OLFM3: variants seen among roughly 807,000 people sequenced by gnomAD.
The protein encoded by OLFM3 is olfactomedin 3, also known as noelin-3.
Under a neutral mutation model 48.6 loss-of-function variants are expected in OLFM3, and 20 were observed. That is an observed-to-expected ratio of 0.41 (90% CI 0.29 to 0.60). The LOEUF (loss-of-function observed/expected upper bound fraction) is 0.60, where lower values mean the gene tolerates loss of function less well. Among genes scored for constraint, OLFM3 ranks in the 20% least tolerant of loss-of-function variants. The pLI is 0.28. For missense variants in OLFM3, 437 were observed against 544.3 expected, an observed-to-expected ratio of 0.80 and a Z score of 1.96; for synonymous variants, 222 against 198.1, an observed-to-expected ratio of 1.12 and a Z score of -1.01.
chr1:101,937,818 T>C (rs1403155872), intron 1 of OLFM3, among the ~76,000 whole-genome samples: 1 of 152,256 alleles, frequency 6.6e-6, no homozygotes, highest in Non-Finnish European at 1.5e-5. Flanking sequence ...ACCCTATACA[T>C]ATACAACATC....
At chr1:101,917,823 T>C (rs2101034957) in intron 1 of OLFM3, among the ~76,000 whole-genome samples, 1 of 152,328 alleles carries the variant, frequency 6.6e-6, no homozygotes, top group Non-Finnish European at 1.5e-5. Flanking sequence ...AATCCTAGAA[T>C]GCAATCATAG....
chr1:101,901,672 T>C (rs1431139132), intron 1 of OLFM3, among the ~76,000 whole-genome samples: 2 of 151,992 alleles, frequency 1.3e-5, no homozygotes, highest in East Asian at 3.9e-4. Context: ...TGGGGAAGAA[T>C]GTGGACATGA....
At chr1:101,992,553 G>A (rs1464425399) in intron 1 of OLFM3, among the ~76,000 whole-genome samples, 1 of 151,732 alleles carries the variant, frequency 6.6e-6, no homozygotes, top group Non-Finnish European at 1.5e-5. Context: ...TCTAGCGCAC[G>A]AGAGAAACAG....
chr1:101,949,833 G>A (rs1026261844), intron 1 of OLFM3, among the ~76,000 whole-genome samples: 2 of 150,760 alleles, frequency 1.3e-5, no homozygotes, highest in Non-Finnish European at 2.9e-5. Context: ...GGGAGGCTGA[G>A]GCACGAGAAT....
At chr1:101,911,633 A>T (rs927965959) in intron 1 of OLFM3, among the ~76,000 whole-genome samples, 6 of 152,224 alleles carry the variant, frequency 3.9e-5, no homozygotes, top group African/African-American at 1.4e-4. Context: ...ATACCAGTTG[A>T]GACAGCAATG....
At chr1:101,984,436 C>T (rs1040649722) in intron 1 of OLFM3, among the ~76,000 whole-genome samples, 1 of 152,116 alleles carries the variant, frequency 6.6e-6, no homozygotes, top group East Asian at 1.9e-4. Context: ...AGTGCTCTGT[C>T]GCCCAGACTA....
intron 3 of OLFM3, among the ~76,000 whole-genome samples, chr1:101,828,358 C>T (rs1184394431): frequency 6.6e-6 from 1 of 152,020 alleles, no homozygotes; most frequent in Non-Finnish European, 1.5e-5. Flanking sequence ...CAGAACTATA[C>T]CTTGAATATG....
intron 1 of OLFM3, among the ~76,000 whole-genome samples, chr1:101,900,888 TC>T (rs1418448868): frequency 6.6e-6 from 1 of 152,080 alleles, no homozygotes; most frequent in Non-Finnish European, 1.5e-5. Context: ...ATTTAGAAAT[TC>T]CTTTCAGAAG....
At position 101,833,994 on chromosome 1, in the gene OLFM3, G is replaced by A. The variant is rs143885310; in HGVS notation, c.216+2885C>T. On this transcript the variant is annotated intron_variant, in intron 2 of 5. Coordinates refer to ENST00000370103, the MANE Select transcript of OLFM3 (RefSeq NM_058170.4). ...ATACAAGACATCTTTAACTGTACAG[G>A]GAAGCTACATAGTTAACAAACAAAT... Among the ~76,000 whole-genome samples, 6 of 151,916 alleles carry A rather than the reference G, an allele frequency of 3.9e-5. No homozygotes were observed. In the East Asian group the frequency reaches 1.2e-3, roughly 29 times the overall value.
chr1:101,875,757 A>G (rs1199690207), intron 1 of OLFM3, among the ~76,000 whole-genome samples: 3 of 122,550 alleles, frequency 2.4e-5, no homozygotes, highest in Non-Finnish European at 5.6e-5. Flanking sequence ...TATGCATGGA[A>G]TTGAGTTGGA....
intron 1 of OLFM3, among the ~76,000 whole-genome samples, chr1:101,958,512 G>C (rs1660367574): frequency 6.6e-6 from 1 of 152,018 alleles, no homozygotes; most frequent in Admixed American, 6.6e-5. Flanking sequence ...ATACCACATT[G>C]TAGATTTGGG....
rs1337884030 is a variant in OLFM3 at position 101,925,253 on chromosome 1, T to C, written c.69+71495A>G. On this transcript the variant is annotated intron_variant, in intron 1 of 5. Transcript: ENST00000370103. ...AGACTGGGAAGGGCCTAAATATTTG[T>C]CTTTTTTTTTTCTATAATATTTGTA... Among the ~76,000 whole-genome samples the C allele has an allele frequency of 1.8e-4, 27 of 151,570 alleles. 1 individual carries two copies. The highest frequency in any genetic ancestry group is 1.8e-3 in the Admixed American group (27 of 15,188).
At chr1:101,844,273 C>A (rs140366571) in intron 1 of OLFM3, among the ~76,000 whole-genome samples, 9 of 152,152 alleles carry the variant, frequency 5.9e-5, no homozygotes, top group African/African-American at 2.2e-4. Flanking sequence ...GAGAGTATAG[C>A]TTTTCTCCAA....
chr1:101,923,759 A>G (rs541546393), intron 1 of OLFM3, among the ~76,000 whole-genome samples: 5 of 152,212 alleles, frequency 3.3e-5, no homozygotes, highest in African/African-American at 1.2e-4. Context: ...GTTTATGTAC[A>G]TATGTGCAGA....
intron 1 of OLFM3, among the ~76,000 whole-genome samples, chr1:101,850,076 A>G (rs1210857651): frequency 6.6e-6 from 1 of 152,138 alleles, no homozygotes; most frequent in Non-Finnish European, 1.5e-5. Flanking sequence ...AACTACCACA[A>G]TTTTCATTTA....
chr1:101,917,966 T>C (rs1658977449), intron 1 of OLFM3, among the ~76,000 whole-genome samples: 1 of 152,218 alleles, frequency 6.6e-6, no homozygotes. Flanking sequence ...GATAAATGTA[T>C]TTATTCTGGA....
At chr1:101,820,615 T>C (rs980529687) in intron 4 of OLFM3, among the ~76,000 whole-genome samples, 1 of 152,104 alleles carries the variant, frequency 6.6e-6, no homozygotes, top group African/African-American at 2.4e-5. Flanking sequence ...TCCAAACCTT[T>C]AATTTTCTAG....
chr1:101,837,072 A>T, intron 1 of OLFM3, 47 bp from the exon 2 acceptor site: 1 of 1,555,252 alleles, frequency 6.4e-7, no homozygotes, highest in South Asian at 1.2e-5. Flanking sequence ...CTGTTATAGG[A>T]TAAAAAGAGT....
intron 1 of OLFM3, among the ~76,000 whole-genome samples, chr1:101,865,438 CT>C (rs1286421801): frequency 6.6e-6 from 1 of 152,202 alleles, no homozygotes; most frequent in Admixed American, 6.5e-5. Flanking sequence ...TCAATCTACA[CT>C]GCAGACCCCT....
Sources: gnomAD v4.1 joint callset for allele counts (sites outside exome capture counted in the v4.1 genomes callset) on GRCh38, gnomAD v4.1.1 for gene constraint, MANE v1.5 for transcripts, NCBI Gene and HGNC (gene_info 2026-07-23, HGNC 2026-07-21) for gene names.